MACROD2: variants seen among roughly 807,000 people sequenced by gnomAD.
MACROD2 encodes the protein mono-ADP ribosylhydrolase 2.
MACROD2 carries 36 observed loss-of-function variants against 70.4 expected under a neutral mutation model. That is an observed-to-expected ratio of 0.51 (90% confidence interval 0.39 to 0.68). The LOEUF is 0.68. MACROD2 is among the 30% of genes least tolerant of loss of function. The pLI is 0.00. For missense variants in MACROD2, 496 were observed against 538.4 expected, an observed-to-expected ratio of 0.92 and a Z score of 0.78; for synonymous variants, 172 against 178.8, an observed-to-expected ratio of 0.96 and a Z score of 0.30.
At chr20:14,484,103 C>T (rs750139656) in intron 3 of MACROD2, among the ~76,000 whole-genome samples, 29 of 151,372 alleles carry the variant, frequency 1.9e-4, no homozygotes, top group Non-Finnish European at 3.9e-4. Context: ...AGATTATTTA[C>T]AAACATAGAA....
intron 4 of MACROD2, among the ~76,000 whole-genome samples, chr20:14,570,306 C>G (rs1238264417): frequency 1.3e-5 from 2 of 151,938 alleles, no homozygotes; most frequent in African/African-American, 4.8e-5. Context: ...TTAAACTGAT[C>G]TGTGGTGTTG....
intron 10 of MACROD2, among the ~76,000 whole-genome samples, chr20:15,888,691 A>C (rs893482864): frequency 2.6e-5 from 4 of 152,122 alleles, no homozygotes; most frequent in African/African-American, 7.2e-5. Flanking sequence ...CAGCAGCTGC[A>C]TGCAGCTGTT....
intron 8 of MACROD2, among the ~76,000 whole-genome samples, chr20:15,696,679 T>G (rs1174162368): frequency 4.2e-5 from 4 of 95,110 alleles, no homozygotes; most frequent in Non-Finnish European, 7.3e-5. Context: ...AGTCCTGGAG[T>G]TTTTTTTTTT....
In MACROD2 at chr20:15,338,997, G is replaced by A. The variant is rs559438827; in HGVS notation, c.541-92408G>A. Among the ~76,000 whole-genome samples the A allele has an allele frequency of 4.0e-4, 61 of 151,866 alleles. 2 individuals are homozygous for A. In the South Asian group the frequency reaches 0.012, roughly 29 times the overall value. On this transcript the variant is annotated intron_variant, in intron 6 of 17. Transcript: ENST00000684519. ...CTGAAGCTTGTTAATATCAACAACT[G>A]GCTTCATTGGCTCCTTCAAATAAAC...
chr20:15,933,491 C>A, intron 11 of MACROD2, 153 bp downstream of exon 11: 1 of 597,894 alleles, frequency 1.7e-6, no homozygotes, highest in Admixed American at 3.0e-5. Context: ...CCACCATCTC[C>A]GATAACTATG....
At chr20:15,122,037 C>T (rs1016154128) in intron 5 of MACROD2, among the ~76,000 whole-genome samples, 8 of 152,042 alleles carry the variant, frequency 5.3e-5, no homozygotes, top group Non-Finnish European at 8.8e-5. Flanking sequence ...TTCTCAGTTT[C>T]CCATTGTTTT....
chr20:14,589,844 T>G (rs1335797465), intron 4 of MACROD2, among the ~76,000 whole-genome samples: 1 of 152,228 alleles, frequency 6.6e-6, no homozygotes, highest in African/African-American at 2.4e-5. Flanking sequence ...TGCTACATAC[T>G]GCTGTATGGC....
intron 3 of MACROD2, among the ~76,000 whole-genome samples, chr20:14,229,555 C>G (rs2081780264): frequency 6.6e-6 from 1 of 152,174 alleles, no homozygotes; most frequent in Non-Finnish European, 1.5e-5. Flanking sequence ...ACTCTGATAA[C>G]ATTGAATGCT....
intron 8 of MACROD2, among the ~76,000 whole-genome samples, chr20:15,510,791 C>T (rs1310218876): frequency 3.9e-5 from 6 of 152,218 alleles, no homozygotes; most frequent in African/African-American, 2.4e-5. Context: ...GAGGCTGTAA[C>T]GGTGAGCCCA....
chr20:15,394,895 T>C (rs973296529), intron 6 of MACROD2, among the ~76,000 whole-genome samples: 2 of 152,222 alleles, frequency 1.3e-5, no homozygotes, highest in African/African-American at 4.8e-5. Flanking sequence ...GAGCATTTTG[T>C]AGCATAGGTG....
At chr20:14,134,331 T>C (rs1216657421) in intron 3 of MACROD2, among the ~76,000 whole-genome samples, 2 of 152,206 alleles carry the variant, frequency 1.3e-5, no homozygotes, top group African/African-American at 2.4e-5. Flanking sequence ...AAACTGACTT[T>C]ATACCTACCA....
chr20:15,354,291 A>G (rs1368367224), intron 6 of MACROD2, among the ~76,000 whole-genome samples: 3 of 152,020 alleles, frequency 2.0e-5, no homozygotes, highest in Non-Finnish European at 4.4e-5. Context: ...TTAGGTGGGA[A>G]TTGAACAATG....
chr20:15,875,557 A>T (rs1342327890), intron 9 of MACROD2, among the ~76,000 whole-genome samples: 1 of 151,928 alleles, frequency 6.6e-6, no homozygotes, highest in Non-Finnish European at 1.5e-5. Flanking sequence ...CTGCAAACAC[A>T]TTTTGCCTTC....
chr20:14,704,324 T>C (rs566074004), intron 5 of MACROD2, among the ~76,000 whole-genome samples: 1 of 152,212 alleles, frequency 6.6e-6, no homozygotes, highest in Admixed American at 6.5e-5. Flanking sequence ...GGGCCCTTGA[T>C]TTATTGCGCC....
chr20:15,913,628 G>A (rs192595449), intron 10 of MACROD2, among the ~76,000 whole-genome samples: 146 of 152,204 alleles, frequency 9.6e-4, no homozygotes, highest in African/African-American at 3.0e-3. Context: ...TTCTTTTTTA[G>A]TTTATAGAAT....
chr20:15,561,814 A>G (rs2048248480), intron 8 of MACROD2, among the ~76,000 whole-genome samples: 1 of 152,104 alleles, frequency 6.6e-6, no homozygotes, highest in African/African-American at 2.4e-5. Context: ...AGGGAATTAA[A>G]ATAAGAACAG....
chr20:14,864,997 A>G (rs1458611802), intron 5 of MACROD2, among the ~76,000 whole-genome samples: 2 of 152,102 alleles, frequency 1.3e-5, no homozygotes, highest in Non-Finnish European at 2.9e-5. Flanking sequence ...TTGCTCATAT[A>G]TACGTAGGCA....
chr20:14,754,404 T>C (rs1365831533), intron 5 of MACROD2, among the ~76,000 whole-genome samples: 1 of 152,192 alleles, frequency 6.6e-6, no homozygotes, highest in Non-Finnish European at 1.5e-5. Flanking sequence ...TGTTATTAAC[T>C]GTGGTGAAAG....
chr20:15,894,108 G>A (rs1306073461), intron 10 of MACROD2: 2 of 365,830 alleles, frequency 5.5e-6, no homozygotes, highest in African/African-American at 4.3e-5. Context: ...GTTGCTGGGT[G>A]CTGTCAGCTT....
Sources: gnomAD v4.1 joint callset for allele counts (sites outside exome capture counted in the v4.1 genomes callset) on GRCh38, gnomAD v4.1.1 for gene constraint, MANE v1.5 for transcripts, NCBI Gene and HGNC (gene_info 2026-07-23, HGNC 2026-07-21) for gene names.